The following LRRC4C variants were observed in gnomAD, a reference collection of about 807,000 sequenced individuals.
LRRC4C encodes leucine-rich repeat-containing protein 4C.
A neutral mutation model predicts 33.6 loss-of-function variants in LRRC4C; 5 were observed. The observed-to-expected ratio is 0.15, with a 90% CI of 0.08 to 0.31. The LOEUF (loss-of-function observed/expected upper bound fraction) is 0.31. LRRC4C is among the 10% of genes least tolerant of loss of function. The pLI is 1.00. For missense variants in LRRC4C, 560 were observed against 796.7 expected (o/e 0.70, Z 3.58); for synonymous variants, 329 against 302.0 (o/e 1.09, Z -0.93).
At chr11:40,699,890 C>T (rs1027971525) in intron 2 of LRRC4C, among the ~76,000 whole-genome samples, 3 of 152,154 alleles carry the variant, frequency 2.0e-5, no homozygotes, top group South Asian at 2.1e-4. Context: ...ATTAAATATA[C>T]ACAAAGACAT....
In LRRC4C at chr11:41,305,098, T is replaced by TG. The variant is rs1285778594; in HGVS notation, c.-496+154332dup. Among the ~76,000 whole-genome samples, 5 of 5,318 alleles carry TG rather than the reference T, an allele frequency of 9.4e-4. 1 individual carries two copies. The highest frequency in any genetic ancestry group is 2.8e-3 in the African/African-American group (4 of 1,416). 3.5% of individuals were successfully genotyped at this position (5,318 alleles called of 152,430 possible). ...CCAGCCGCCCCGTCCGGGAGGGAGG[T>TG]GGGGGGGGTCAGCCCCCCTGCCCGG... On this transcript the variant is annotated intron_variant, in intron 1 of 6. Transcript: ENST00000528697.
chr11:40,537,123 T>C lies in LRRC4C; in HGVS notation c.-270+111019A>G, dbSNP rs532432613. Among the ~76,000 whole-genome samples, 24 of 152,246 alleles carry C rather than the reference T, an allele frequency of 1.6e-4. No individual in the cohort carries two copies. In the East Asian group the frequency reaches 4.4e-3, roughly 28 times the overall value. ...ATGCAAGTGAGGAAATATATGACCT[T>C]CAATAACAAAAAATGGCCACATTTT... On this transcript the variant is annotated intron_variant, in intron 3 of 6. Transcript: ENST00000528697.
At chr11:40,602,759 A>C (rs2135818897) in intron 3 of LRRC4C, among the ~76,000 whole-genome samples, 1 of 152,336 alleles carries the variant, frequency 6.6e-6, no homozygotes, top group Middle Eastern at 3.4e-3. Flanking sequence ...TAAATAAAAT[A>C]ATCCGAAACA....
chr11:40,892,460 G>T (rs1955761555), intron 2 of LRRC4C, among the ~76,000 whole-genome samples: 1 of 152,126 alleles, frequency 6.6e-6, no homozygotes, highest in Non-Finnish European at 1.5e-5. Flanking sequence ...ACAGATGTTT[G>T]AGTAGGGTCT....
At chr11:40,317,152 G>A (rs1269116727) in intron 4 of LRRC4C, among the ~76,000 whole-genome samples, 1 of 150,562 alleles carries the variant, frequency 6.6e-6, no homozygotes, top group African/African-American at 2.4e-5. Flanking sequence ...AAATTCTGGG[G>A]TCTTCAGTAA....
chr11:41,341,020 C>G (rs577038654), intron 1 of LRRC4C, among the ~76,000 whole-genome samples: 1 of 151,666 alleles, frequency 6.6e-6, no homozygotes, highest in East Asian at 1.9e-4. Context: ...AGTGCTTGCA[C>G]GAAGAAGAAA....
chr11:40,277,590 A>T (rs1216592630), intron 4 of LRRC4C, among the ~76,000 whole-genome samples: 1 of 152,112 alleles, frequency 6.6e-6, no homozygotes, highest in African/African-American at 2.4e-5. Flanking sequence ...TAGCGGTAGT[A>T]GTAAGTAGTC....
intron 3 of LRRC4C, among the ~76,000 whole-genome samples, chr11:40,426,516 C>T (rs1389064202): frequency 6.6e-6 from 1 of 152,116 alleles, no homozygotes; most frequent in Non-Finnish European, 1.5e-5. Context: ...ATCATCTTAT[C>T]AAGAACGCCT....
chr11:40,187,912 A>G (rs1366044296), intron 5 of LRRC4C, among the ~76,000 whole-genome samples: 1 of 152,192 alleles, frequency 6.6e-6, no homozygotes, highest in Non-Finnish European at 1.5e-5. Flanking sequence ...TCGGGGAAAG[A>G]GAAGGAGAGA....
intron 5 of LRRC4C, among the ~76,000 whole-genome samples, chr11:40,210,075 C>G (rs532134628): frequency 6.1e-4 from 93 of 151,958 alleles, no homozygotes; most frequent in Non-Finnish European, 1.1e-3. Context: ...GACAAATAAA[C>G]TTAAGAGTTA....
chr11:40,272,462 A>G (rs1280271626), intron 4 of LRRC4C, among the ~76,000 whole-genome samples: 1 of 152,148 alleles, frequency 6.6e-6, no homozygotes, highest in Non-Finnish European at 1.5e-5. Flanking sequence ...ATATAAATTT[A>G]TTCTAAGAAT....
At chr11:40,819,473 T>A (rs1259394661) in intron 2 of LRRC4C, among the ~76,000 whole-genome samples, 1 of 152,160 alleles carries the variant, frequency 6.6e-6, no homozygotes, top group East Asian at 1.9e-4. Flanking sequence ...GGCACCTTTG[T>A]TGTAGTTGAT....
intron 1 of LRRC4C, among the ~76,000 whole-genome samples, chr11:40,990,477 T>C (rs1299733247): frequency 6.6e-6 from 1 of 151,804 alleles, no homozygotes; most frequent in Non-Finnish European, 1.5e-5. Context: ...GAATTCAAAC[T>C]GAAAGAGTCT....
intron 1 of LRRC4C, among the ~76,000 whole-genome samples, chr11:41,411,074 C>G (rs564066371): frequency 9.4e-5 from 14 of 149,450 alleles, no homozygotes; most frequent in African/African-American, 3.0e-4. Context: ...AGATCTTTAT[C>G]TAGATGGTTT....
chr11:41,149,510 CA>C (rs57914595), intron 1 of LRRC4C, among the ~76,000 whole-genome samples: 277 of 55,528 alleles, frequency 5.0e-3, no homozygotes, highest in Middle Eastern at 0.02. Context: ...ACTCCGTCTC[CA>C]AAAAAAAAAA....
intron 1 of LRRC4C, among the ~76,000 whole-genome samples, chr11:41,203,945 C>T (rs1056927009): frequency 6.6e-6 from 1 of 152,170 alleles, no homozygotes; most frequent in Admixed American, 6.5e-5. Context: ...TTTCACCAGA[C>T]ACATCTTGTT....
intron 1 of LRRC4C, among the ~76,000 whole-genome samples, chr11:41,432,724 G>C (rs1309471826): frequency 6.6e-6 from 1 of 152,024 alleles, no homozygotes; most frequent in Non-Finnish European, 1.5e-5. Flanking sequence ...CAGTGCTCTA[G>C]AGACATTTTA....
chr11:40,890,338 G>A (rs1260266509), intron 2 of LRRC4C, among the ~76,000 whole-genome samples: 1 of 152,142 alleles, frequency 6.6e-6, no homozygotes. Flanking sequence ...GAGAGAGACA[G>A]AGAGCACTAA....
At chr11:41,428,314 G>A (rs1218262768) in intron 1 of LRRC4C, among the ~76,000 whole-genome samples, 1 of 152,016 alleles carries the variant, frequency 6.6e-6, no homozygotes, top group East Asian at 1.9e-4. Flanking sequence ...GTGTGGATGT[G>A]GGAGGTGAGA....
Sources: allele counts gnomAD v4.1 joint callset (sites outside exome capture counted in the v4.1 genomes callset), GRCh38; gene constraint gnomAD v4.1.1; transcripts MANE v1.5; gene names NCBI Gene and HGNC (gene_info 2026-07-23, HGNC 2026-07-21).